TMCO6: variants seen among roughly 807,000 people sequenced by gnomAD.
The protein encoded by TMCO6 is transmembrane and coiled-coil domain-containing protein 6.
Under a neutral mutation model 61.8 loss-of-function variants are expected in TMCO6, and 47 were observed. The ratio of observed to expected loss-of-function variants is 0.76; its 90% CI spans 0.60 to 0.97. The LOEUF (loss-of-function observed/expected upper bound fraction) is 0.97. TMCO6 is among the 50% of genes least tolerant of loss of function. The pLI, the probability that TMCO6 is intolerant of heterozygous loss-of-function variation, is 0.00. For synonymous variants in TMCO6, 261 were observed against 254.2 expected (o/e 1.03, Z -0.25); for missense variants, 557 against 601.6 (o/e 0.93, Z 0.78).
intron 10 of TMCO6, 39 bp from the exon 11 acceptor site, chr5:140,644,530 TTGTG>T (rs34268714): frequency 0.1 from 161,964 of 1,601,020 alleles, 8,862 homozygotes; most frequent in Non-Finnish European, 0.11. Flanking sequence ...GTTATGATCT[TTGTG>T]TTTCATTCTT....
chr5:140,620,476 C>A, the TMCO6 span, among the ~76,000 whole-genome samples: 1 of 151,964 alleles, frequency 6.6e-6, no homozygotes, highest in Admixed American at 6.6e-5. Flanking sequence ...TTTGTCCAAA[C>A]CTAAAGGATA....
chr5:140,647,487 C>T (rs755882393), downstream of TMCO6: 1 of 1,612,444 alleles, frequency 6.2e-7, no homozygotes, highest in East Asian at 2.2e-5. Context: ...CCTCACCTGA[C>T]GCCCTGGCTG....
chr5:140,598,571 T>G, the TMCO6 span, among the ~76,000 whole-genome samples: 1 of 152,180 alleles, frequency 6.6e-6, no homozygotes, highest in African/African-American at 2.4e-5. Context: ...GTATCTTTTG[T>G]TCCAATAATT....
At position 140,642,594 on chromosome 5, in the gene TMCO6, T is replaced by A; in HGVS notation, c.612T>A (p.His204Gln). Residue 204 changes from histidine to glutamine, a missense_variant, in exon 6 of 12, where the codon CAT (histidine) becomes CAA (glutamine). By Grantham distance (24) the His-to-Gln change is conservative (BLOSUM62 0). Transcript: ENST00000394671. ...ACCCTGTCTACTTCCAGTCCCCCCA[T>A]GTGGCTGTGCTGGAAGCTCTCGGAT... ...PALAACIQSPHVAVLEALGYA... is the reference protein window; with the variant it reads ...PALAACIQSPQVAVLEALGYA... The A allele has an allele frequency of 6.2e-7, 1 of 1,614,202 alleles. No individual in the cohort carries two copies. Among genetic ancestry groups the A allele is most frequent in the Admixed American group, 1.7e-5 (1 of 60,022 alleles).
the TMCO6 span, chr5:140,632,179 C>T: frequency 6.2e-7 from 1 of 1,613,912 alleles, no homozygotes. The surrounding 1 kb of genome is among the most constrained non-coding windows in gnomAD (Gnocchi z 6.2). Context: ...CATCTCGGAG[C>T]GCTAGGGTTT....
In TMCO6 at chr5:140,645,143, G is replaced by A. The variant is rs1315951838; in HGVS notation, c.*45G>A. The A allele has an allele frequency of 3.8e-6, 6 of 1,585,676 alleles. No individual in the cohort carries two copies. The highest frequency in any genetic ancestry group is 5.2e-6 in the Non-Finnish European group (6 of 1,155,478). ...TCATTCCCCTCTCTCTTAACATCAA[G>A]CTTGTTTGTCCAGTAGAGCCTTTGG... On this transcript the variant is annotated 3_prime_UTR_variant, in exon 12 of 12. Transcript: ENST00000394671.
At chr5:140,597,409 G>A in the TMCO6 span, among the ~76,000 whole-genome samples, 2 of 152,170 alleles carry the variant, frequency 1.3e-5, no homozygotes, top group South Asian at 4.1e-4. Context: ...GGCCACCCAG[G>A]TGTGCAGGCT....
downstream of TMCO6, chr5:140,647,556 C>T (rs1360989040): frequency 5.0e-6 from 8 of 1,611,648 alleles, no homozygotes; most frequent in Non-Finnish European, 5.9e-6. Context: ...TTTGCCCCGA[C>T]TCCTCGACTT....
the TMCO6 span, among the ~76,000 whole-genome samples, chr5:140,631,086 T>G: frequency 6.6e-6 from 1 of 152,368 alleles, no homozygotes. Flanking sequence ...CTGAAAAGGT[T>G]ATCTGCATAT....
chr5:140,643,299 C>T (rs1337406051), intron 7 of TMCO6: 9 of 590,488 alleles, frequency 1.5e-5, no homozygotes, highest in East Asian at 3.2e-5. Flanking sequence ...CGGGTTCAAG[C>T]GATTCTCCTG....
the TMCO6 span, among the ~76,000 whole-genome samples, chr5:140,602,357 G>T: frequency 1.3e-5 from 2 of 152,068 alleles, no homozygotes; most frequent in Non-Finnish European, 2.9e-5. Context: ...CCTCAACACC[G>T]CCCTACACAT....
chr5:140,613,128 T>A, the TMCO6 span, among the ~76,000 whole-genome samples: 2 of 152,098 alleles, frequency 1.3e-5, no homozygotes, highest in African/African-American at 4.8e-5. Context: ...CGGTGGCTCA[T>A]GCCTGTAATC....
chr5:140,627,401 A>T, the TMCO6 span, among the ~76,000 whole-genome samples: 1 of 152,198 alleles, frequency 6.6e-6, no homozygotes, highest in Admixed American at 6.5e-5. Flanking sequence ...AACAATGATC[A>T]TATCAAGGAA....
the TMCO6 span, among the ~76,000 whole-genome samples, chr5:140,622,284 G>A: frequency 2.0e-5 from 3 of 152,136 alleles, no homozygotes; most frequent in African/African-American, 7.2e-5. Context: ...AAGAATCAAC[G>A]TGAATATCGG....
intron 6 of TMCO6, 73 bp from the exon 7 acceptor site, chr5:140,642,852 C>T: frequency 6.2e-7 from 1 of 1,611,448 alleles, no homozygotes; most frequent in Non-Finnish European, 8.5e-7. Flanking sequence ...CACTCTCCCA[C>T]CTGCTATCAG....
upstream of TMCO6, among the ~76,000 whole-genome samples, chr5:140,635,188 G>A (rs1756739702): frequency 1.3e-5 from 2 of 152,224 alleles, no homozygotes; most frequent in African/African-American, 4.8e-5. Context: ...TGCGGGTCCT[G>A]TTGGGCATAC....
At chr5:140,640,548 G>GGC (rs915436822) in intron 2 of TMCO6, among the ~76,000 whole-genome samples, 4 of 151,968 alleles carry the variant, frequency 2.6e-5, no homozygotes, top group African/African-American at 9.7e-5. Flanking sequence ...AGGGATTACA[G>GGC]GCGCGCGCCA....
At chr5:140,629,789 C>T in the TMCO6 span, among the ~76,000 whole-genome samples, 1 of 151,776 alleles carries the variant, frequency 6.6e-6, no homozygotes, top group African/African-American at 2.4e-5. Context: ...CAAAATTAGC[C>T]AGGTGTGGTG....
In TMCO6 at chr5:140,643,695, G is replaced by A. The variant is rs1164985353; in HGVS notation, c.918+20G>A. The A allele has an allele frequency of 1.2e-6, 2 of 1,605,978 alleles. No homozygotes were observed. Among genetic ancestry groups the A allele is most frequent in the Non-Finnish European group, 1.7e-6 (2 of 1,174,952 alleles). On this transcript the variant is annotated intron_variant, in intron 8 of 11. Coordinates refer to ENST00000394671, the MANE Select transcript of TMCO6 (RefSeq NM_018502.5). Reference sequence around the variant, plus strand: ...GAGCTGGTAGGTGAAGATGTCAGGTGAAATTCTGGGAGATGTTTCTTGATA... The same window carrying A: ...GAGCTGGTAGGTGAAGATGTCAGGTAAAATTCTGGGAGATGTTTCTTGATA...
Sources: gnomAD v4.1 joint callset for allele counts (sites outside exome capture counted in the v4.1 genomes callset) on GRCh38, gnomAD v4.1.1 for gene constraint, Gnocchi (gnomAD v3.1) non-coding constraint, MANE v1.5 for transcripts, NCBI Gene and HGNC (gene_info 2026-07-23, HGNC 2026-07-21) for gene names.